The following DNM3 variants were observed in gnomAD, a reference collection of about 807,000 sequenced individuals.
DNM3 encodes the protein dynamin 3.
A neutral mutation model predicts 101.6 loss-of-function variants in DNM3; 47 were observed. The observed-to-expected ratio is 0.46, with a 90% CI of 0.37 to 0.59. DNM3 has a LOEUF of 0.59. Among genes scored for constraint, DNM3 ranks in the 20% least tolerant of loss-of-function variants. The probability of loss-of-function intolerance (pLI) is 0.00; values close to 1 mark genes in which losing one functional copy is unlikely to be tolerated. For synonymous variants in DNM3, 385 were observed against 387.9 expected (o/e 0.99, Z 0.09); for missense variants, 849 against 1,085.7 (o/e 0.78, Z 3.06).
chr1:171,961,094 A>T (rs2043182406), intron 2 of DNM3, among the ~76,000 whole-genome samples: 1 of 152,160 alleles, frequency 6.6e-6, no homozygotes, highest in Non-Finnish European at 1.5e-5. Context: ...CTGTTCTGAG[A>T]TGTTTCCAGA....
chr1:172,397,346 A>C (rs2070092573), intron 20 of DNM3: 1 of 152,658 alleles, frequency 6.6e-6, no homozygotes, highest in Admixed American at 6.5e-5. Flanking sequence ...ATTTCCCGCC[A>C]AATACCTGGG....
chr1:171,939,851 A>G (rs541664723), intron 2 of DNM3, among the ~76,000 whole-genome samples: 17 of 152,294 alleles, frequency 1.1e-4, no homozygotes, highest in Admixed American at 7.2e-4. Context: ...AACAGAAATC[A>G]TAGATCACAG....
At chr1:171,977,401 G>A (rs753148316) in intron 2 of DNM3, among the ~76,000 whole-genome samples, 8 of 152,122 alleles carry the variant, frequency 5.3e-5, no homozygotes, top group East Asian at 1.9e-4. Context: ...GATGTGTTGC[G>A]AACAGCAAGA....
intron 4 of DNM3, among the ~76,000 whole-genome samples, chr1:171,994,050 T>C (rs1314454390): frequency 6.6e-6 from 1 of 152,114 alleles, no homozygotes; most frequent in Non-Finnish European, 1.5e-5. Flanking sequence ...TTAAAACATA[T>C]TTAAAATAGA....
intron 4 of DNM3, among the ~76,000 whole-genome samples, chr1:172,016,667 T>A (rs1366348684): frequency 6.6e-6 from 1 of 152,178 alleles, no homozygotes; most frequent in Non-Finnish European, 1.5e-5. Flanking sequence ...TTGTGGAAAA[T>A]TGGTATGATT....
At chr1:172,090,365 G>C (rs372610721) in intron 12 of DNM3, among the ~76,000 whole-genome samples, 7 of 152,292 alleles carry the variant, frequency 4.6e-5, no homozygotes, top group African/African-American at 1.7e-4. Flanking sequence ...GCCCTTAGGA[G>C]AGTGCTACTC....
intron 1 of DNM3, among the ~76,000 whole-genome samples, chr1:171,854,269 C>T (rs1016122820): frequency 3.9e-5 from 6 of 152,176 alleles, no homozygotes; most frequent in Non-Finnish European, 8.8e-5. Flanking sequence ...CTTAACCTGC[C>T]TGTGCCTCAG....
At chr1:171,914,197 G>A (rs964372048) in intron 1 of DNM3, among the ~76,000 whole-genome samples, 7 of 151,222 alleles carry the variant, frequency 4.6e-5, no homozygotes, top group South Asian at 2.1e-4. Context: ...TGCTCTTGTC[G>A]CCCAGGCTGG....
intron 17 of DNM3, among the ~76,000 whole-genome samples, chr1:172,333,239 ATAAGT>A (rs2066266368): frequency 6.6e-6 from 1 of 152,172 alleles, no homozygotes; most frequent in South Asian, 2.1e-4. Context: ...TTGAAATCTA[ATAAGT>A]TAAGACAAAA....
At chr1:172,208,842 T>C (rs2060413488) in intron 14 of DNM3, among the ~76,000 whole-genome samples, 1 of 152,072 alleles carries the variant, frequency 6.6e-6, no homozygotes, top group African/African-American at 2.4e-5. Flanking sequence ...CACTTGCACG[T>C]TTGTGCATGA....
intron 11 of DNM3, among the ~76,000 whole-genome samples, chr1:172,079,290 C>T (rs1237157458): frequency 6.6e-6 from 1 of 152,106 alleles, no homozygotes; most frequent in Non-Finnish European, 1.5e-5. Context: ...CACATAGTCC[C>T]ATATTTCTTG....
At chr1:171,998,549 G>A (rs552224197) in intron 4 of DNM3, among the ~76,000 whole-genome samples, 1 of 152,202 alleles carries the variant, frequency 6.6e-6, no homozygotes, top group Admixed American at 6.5e-5. Flanking sequence ...CTTACTATGT[G>A]TCAAGTACCA....
At position 172,133,451 on chromosome 1, in the gene DNM3, G is replaced by A. The variant is rs2057048801; in HGVS notation, c.1659+2163G>A. On this transcript the variant is annotated intron_variant, in intron 14 of 20. Coordinates refer to ENST00000627582, the MANE Select transcript of DNM3 (RefSeq NM_015569.5). ...GTGTATAACCAAGGTATGGTATGGAGGGTAGTTGGGGGCAGGTGAGAGTGG... is the reference window on the plus strand; with the variant it reads ...GTGTATAACCAAGGTATGGTATGGAAGGTAGTTGGGGGCAGGTGAGAGTGG... 7.1e-6 allele frequency: 7 copies of A among 984,320 alleles called. No individual in the cohort carries two copies. The South Asian group carries it at 3.3e-4, about 46-fold the overall frequency. The allele number at this position is 984,320 out of a possible 1,614,324, so 61.0% of individuals were successfully genotyped here.
intron 2 of DNM3, among the ~76,000 whole-genome samples, chr1:171,925,995 G>T (rs934466360): frequency 2.0e-5 from 3 of 152,070 alleles, no homozygotes; most frequent in Non-Finnish European, 4.4e-5. Context: ...TGACTTTGTG[G>T]AAGACGTGTT....
chr1:171,986,981 T>A (rs1368551600), intron 2 of DNM3, among the ~76,000 whole-genome samples: 1 of 152,172 alleles, frequency 6.6e-6, no homozygotes, highest in Non-Finnish European at 1.5e-5. Flanking sequence ...ACTGAAAATT[T>A]AAAAACCCAG....
At chr1:172,052,195 AAC>A (rs2050251660) in intron 10 of DNM3, among the ~76,000 whole-genome samples, 1 of 152,026 alleles carries the variant, frequency 6.6e-6, no homozygotes, top group Non-Finnish European at 1.5e-5. Context: ...CTATCCCTCA[AAC>A]TTACCTGTAT....
At chr1:171,875,171 T>C (rs1253471891) in intron 1 of DNM3, among the ~76,000 whole-genome samples, 4 of 152,176 alleles carry the variant, frequency 2.6e-5, no homozygotes, top group Admixed American at 1.3e-4. Context: ...TTATTTTCCT[T>C]TGGGTATATG....
At chr1:171,963,044 A>G (rs2043322004) in intron 2 of DNM3, among the ~76,000 whole-genome samples, 1 of 152,098 alleles carries the variant, frequency 6.6e-6, no homozygotes, top group African/African-American at 2.4e-5. Context: ...CCATTTACTC[A>G]AGTGCGATGA....
chr1:172,335,083 C>G (rs1449463882), intron 17 of DNM3, among the ~76,000 whole-genome samples: 2 of 152,112 alleles, frequency 1.3e-5, no homozygotes, highest in Non-Finnish European at 2.9e-5. Flanking sequence ...TAATTCTTTC[C>G]TTTCCATGTG....
Sources: gnomAD v4.1 joint callset for allele counts (sites outside exome capture counted in the v4.1 genomes callset) on GRCh38, gnomAD v4.1.1 for gene constraint, MANE v1.5 for transcripts, NCBI Gene and HGNC (gene_info 2026-07-23, HGNC 2026-07-21) for gene names.